The following ATF2 variants were observed in gnomAD, a reference collection of about 807,000 sequenced individuals.
ATF2 encodes the protein activating transcription factor 2.
ATF2 carries 24 observed loss-of-function variants against 60.6 expected under a neutral mutation model. That is an observed-to-expected ratio of 0.40 (90% CI 0.29 to 0.56). ATF2 has a LOEUF of 0.56. Among genes scored for constraint, ATF2 ranks in the 20% least tolerant of loss-of-function variants. The pLI is 0.54. For synonymous variants in ATF2, 206 were observed against 215.4 expected, an observed-to-expected ratio of 0.96 and a Z score of 0.38; for missense variants, 433 against 607.7, an observed-to-expected ratio of 0.71 and a Z score of 3.02.
intron 3 of ATF2, among the ~76,000 whole-genome samples, chr2:175,130,913 T>C (rs1451042294): frequency 1.3e-5 from 2 of 152,204 alleles, no homozygotes; most frequent in Non-Finnish European, 2.9e-5. Context: ...CATAAGTTAA[T>C]CTTCTGAGTC....
chr2:175,134,553 A>G (rs544931637), intron 3 of ATF2, among the ~76,000 whole-genome samples: 54 of 152,112 alleles, frequency 3.6e-4, no homozygotes, highest in East Asian at 7.7e-4. Flanking sequence ...AAAAAAAAAA[A>G]AAAGAAAGAA....
chr2:175,165,527 TA>T (rs1420767662), intron 1 of ATF2, among the ~76,000 whole-genome samples: 1 of 152,208 alleles, frequency 6.6e-6, no homozygotes, highest in Non-Finnish European at 1.5e-5. Context: ...AAATGTACAT[TA>T]TTTTTTGAAG....
At chr2:175,123,086 A>G (rs1350379136) in intron 4 of ATF2, among the ~76,000 whole-genome samples, 1 of 152,036 alleles carries the variant, frequency 6.6e-6, no homozygotes, top group Non-Finnish European at 1.5e-5. Flanking sequence ...CTGGGCAGCA[A>G]CTATAGGCAG....
At chr2:175,107,253 C>T (rs574026882) in intron 10 of ATF2, among the ~76,000 whole-genome samples, 3 of 152,232 alleles carry the variant, frequency 2.0e-5, no homozygotes, top group South Asian at 4.1e-4. Flanking sequence ...TCTAGAATGT[C>T]TATGATTAAA....
In ATF2 at chr2:175,131,114, C is replaced by T. The variant is rs1255073175; in HGVS notation, c.33-907G>A. ...TTTCCAGGAAGTCACCATTATTAAT[C>T]TCATATACAAAATTTGTGAAATGTG... On this transcript the variant is annotated intron_variant, in intron 3 of 13. Coordinates refer to ENST00000264110, the MANE Select transcript of ATF2 (RefSeq NM_001880.4). Among the ~76,000 whole-genome samples, 11 of 152,244 alleles carry T rather than the reference C, an allele frequency of 7.2e-5. No homozygotes were observed. In the East Asian group the frequency reaches 2.1e-3, roughly 29 times the overall value.
At chr2:175,142,186 CT>C (rs377013083) in intron 2 of ATF2, among the ~76,000 whole-genome samples, 5,612 of 132,932 alleles carry the variant, frequency 0.042, 271 homozygotes, top group African/African-American at 0.14. Flanking sequence ...GTTTTCTTTT[CT>C]TTTTTTTTTT....
intron 1 of ATF2, among the ~76,000 whole-genome samples, chr2:175,163,822 C>T (rs1468612974): frequency 6.9e-6 from 1 of 144,568 alleles, no homozygotes; most frequent in Non-Finnish European, 1.5e-5. Flanking sequence ...ACTCAGGAGG[C>T]TGAGGCAGGA....
chr2:175,098,234 G>T (rs755844420), intron 10 of ATF2, among the ~76,000 whole-genome samples: 93 of 152,140 alleles, frequency 6.1e-4, no homozygotes, highest in Non-Finnish European at 1.0e-3. Context: ...ATAGAAATTG[G>T]TTTCTTTAGT....
chr2:175,117,499 T>G (rs1242327393), intron 7 of ATF2, among the ~76,000 whole-genome samples: 8 of 151,970 alleles, frequency 5.3e-5, no homozygotes, highest in Non-Finnish European at 1.2e-4. Flanking sequence ...ATAATGTTAC[T>G]CAACACACAA....
Position 175,151,083 on chromosome 2 carries a change from C to T in ATF2, c.-67G>A, listed in dbSNP as rs558390125. On this transcript the variant is annotated 5_prime_UTR_variant, in exon 2 of 14. Coordinates refer to ENST00000264110, the MANE Select transcript of ATF2 (RefSeq NM_001880.4). ...ACCTTTCTAGCTGGTGGGCCATGAG[C>T]TTTATTTACTCTGCTTCCAGGAATA... 7.2e-5 allele frequency: 11 copies of T among 152,476 alleles called. No individual in the cohort carries two copies. The highest frequency in any genetic ancestry group is 1.6e-4 in the Non-Finnish European group (11 of 67,968). 9.4% of individuals were successfully genotyped at this position (152,476 alleles called of 1,614,324 possible).
intron 2 of ATF2, among the ~76,000 whole-genome samples, chr2:175,141,361 G>A (rs964179172): frequency 1.3e-5 from 2 of 151,726 alleles, no homozygotes; most frequent in African/African-American, 4.8e-5. Flanking sequence ...CTACTGGCAG[G>A]GGCTTAATAA....
chr2:175,078,276 C>T (rs1693508719), intron 13 of ATF2, among the ~76,000 whole-genome samples: 1 of 151,936 alleles, frequency 6.6e-6, no homozygotes, highest in South Asian at 2.1e-4. Context: ...CTGGCCTATA[C>T]ATATTTTCAG....
chr2:175,146,137 G>C (rs1036396021), intron 2 of ATF2, among the ~76,000 whole-genome samples: 1 of 152,092 alleles, frequency 6.6e-6, no homozygotes, highest in Non-Finnish European at 1.5e-5. Context: ...CAAAGATATA[G>C]AACCTGTATC....
At chr2:175,162,902 G>C (rs1204184954) in intron 1 of ATF2, among the ~76,000 whole-genome samples, 1 of 152,092 alleles carries the variant, frequency 6.6e-6, no homozygotes, top group East Asian at 1.9e-4. Context: ...GGGAGGCCGA[G>C]GTGGGCGGAT....
chr2:175,112,208 C>T (rs1422131827), intron 9 of ATF2, among the ~76,000 whole-genome samples: 1 of 152,006 alleles, frequency 6.6e-6, no homozygotes. Context: ...ATAAATAAAG[C>T]ATATCTTTTC....
rs952309368 is a variant in ATF2, at chr2:175,114,326, T to C, written c.627-218A>G. ...AGAAGAGAAAAGTTATGGATTTACT[T>C]AGGACAATCTCCAATTTGTAAAATG... On this transcript the variant is annotated intron_variant, in intron 8 of 13. Coordinates refer to ENST00000264110, the MANE Select transcript of ATF2 (RefSeq NM_001880.4). 14 of 1,287,138 alleles carry C rather than the reference T, an allele frequency of 1.1e-5. No individual in the cohort carries two copies. In the African/African-American group the frequency reaches 2.2e-4, roughly 20 times the overall value. 79.7% of individuals were successfully genotyped at this position (1,287,138 alleles called of 1,614,324 possible).
chr2:175,163,141 AAAT>A (rs1559131195), intron 1 of ATF2, among the ~76,000 whole-genome samples: 8 of 11,334 alleles, frequency 7.1e-4, no homozygotes, highest in Non-Finnish European at 1.3e-3. Flanking sequence ...CTCAAAAAAT[AAAT>A]AAATAAATAA....
chr2:175,126,422 G>A (rs946775574), intron 4 of ATF2, among the ~76,000 whole-genome samples: 4 of 151,980 alleles, frequency 2.6e-5, no homozygotes, highest in African/African-American at 7.2e-5. Context: ...CCTCGACAAT[G>A]GAAAAAATAA....
chr2:175,111,604 A>G lies in ATF2; in HGVS notation c.792T>C (p.Pro264=). 1.2e-6 allele frequency: 2 copies of G among 1,613,872 alleles called. No individual in the cohort carries two copies. Among genetic ancestry groups the G allele is most frequent in the Non-Finnish European group, 1.7e-6 (2 of 1,179,850 alleles). Residue 264 remains proline (P), a synonymous_variant, in exon 10 of 14, where the codon CCT becomes CCC. Transcript: ENST00000264110. ...MVPSVPGIPG[P]SSPQPVQSEA... is the part of the protein sequence containing the mutation. ...CTGACTGTACTGGTTGGGGAGAGGA[A>G]GGACCTGGGATTCCTGGAACACTAG... is the stretch of plus-strand genomic sequence containing the variant.
Sources: gnomAD v4.1 joint callset for allele counts (sites outside exome capture counted in the v4.1 genomes callset) on GRCh38, gnomAD v4.1.1 for gene constraint, MANE v1.5 for transcripts, NCBI Gene and HGNC (gene_info 2026-07-23, HGNC 2026-07-21) for gene names.